Variants in NONO observed in about 807,000 individuals in gnomAD.
NONO encodes non-POU domain-containing octamer-binding protein.
A neutral mutation model predicts 40.2 loss-of-function variants in NONO; 6 were observed. The ratio of observed to expected loss-of-function variants is 0.15; its 90% CI spans 0.08 to 0.29. The LOEUF is 0.29. Ranked by LOEUF, NONO falls within the 10% of genes least tolerant of loss-of-function variation. The pLI is 1.00. For missense variants in NONO, 133 were observed against 397.8 expected, an observed-to-expected ratio of 0.33 and a Z score of 5.66; for synonymous variants, 89 against 123.3, an observed-to-expected ratio of 0.72 and a Z score of 1.85.
chrX:71,287,814 G>A (rs1378513664), intron 2 of NONO, among the ~76,000 whole-genome samples: 1 of 107,794 alleles, frequency 9.3e-6, no homozygotes, highest in African/African-American at 3.4e-5. Context: ...CTCCCAAGTA[G>A]CTGGGACTAC....
Position 71,298,695 on chromosome X carries a change from A to T in NONO, c.1172-12A>T, listed in dbSNP as rs1569241526. The T allele has an allele frequency of 8.4e-7, 1 of 1,190,647 alleles. No individual in the cohort carries two copies. The highest frequency in any genetic ancestry group is 1.8e-5 in the South Asian group (1 of 55,976). ...CTTTATCCCTTGTGCTGATCACACT[A>T]CTCTGCCTTAGGTGCTATGGGCATA... is the stretch of plus-strand genomic sequence containing the variant. On this transcript the variant is annotated splice_polypyrimidine_tract_variant and intron_variant, in intron 10 of 11. Coordinates refer to ENST00000276079, the MANE Select transcript of NONO (RefSeq NM_007363.5).
intron 4 of NONO, chrX:71,293,890 A>C: frequency 4.7e-6 from 1 of 212,326 alleles, no homozygotes; most frequent in Non-Finnish European, 8.6e-6. Flanking sequence ...TCGGCCTCCC[A>C]AAATTCTGGG....
In NONO at chrX:71,297,317, G is replaced by C. The variant is rs2031474592; in HGVS notation, c.944-60G>C. 2.9e-6 allele frequency: 3 copies of C among 1,018,385 alleles called. No individual in the cohort carries two copies. The Admixed American group carries it at 8.6e-5, about 29-fold the overall frequency. 83.9% of individuals were successfully genotyped at this position (1,018,385 alleles called of 1,213,427 possible). A position where few individuals can be genotyped will look rare whatever the true frequency, so the allele number is the denominator to read the frequency against. On this transcript the variant is annotated intron_variant, in intron 7 of 11. Transcript: ENST00000276079. ...TTTGCTTTCTGGATCTTTATTTGAA[G>C]AAAGTCATTAGATCTATATGAAGAC...
rs1602391811 is a variant in NONO, at chrX:71,300,186, A to G, written c.*110A>G. 2.2e-6 allele frequency: 2 copies of G among 925,944 alleles called. No homozygotes were observed. The highest frequency in any genetic ancestry group is 3.1e-6 in the Non-Finnish European group (2 of 649,729). The allele number at this position is 925,944 out of a possible 1,213,427, so 76.3% of individuals were successfully genotyped here. A position where few individuals can be genotyped will look rare whatever the true frequency, so the allele number is the denominator to read the frequency against. Reference sequence around the variant, plus strand: ...GGGATTCCTTCCAATAGTTAGATCTACCCTGCCTGTACTACTCTAGGGAGT... The same window carrying G: ...GGGATTCCTTCCAATAGTTAGATCTGCCCTGCCTGTACTACTCTAGGGAGT... On this transcript the variant is annotated 3_prime_UTR_variant, in exon 12 of 12. Transcript: ENST00000276079.
chrX:71,298,395 G>A (rs2031499181), intron 9 of NONO, 74 bp from the exon 10 acceptor site: 9 of 886,037 alleles, frequency 1.0e-5, no homozygotes, highest in East Asian at 6.2e-5. Flanking sequence ...ACTTCCCTTA[G>A]TGTGTGGTCC....
intron 2 of NONO, among the ~76,000 whole-genome samples, chrX:71,288,460 C>T (rs994812921): frequency 5.4e-5 from 6 of 111,233 alleles, no homozygotes; most frequent in East Asian, 2.8e-4. Flanking sequence ...GGCACAATCT[C>T]GGCTCACGGC....
chrX:71,295,472 A>G (rs1473083345), intron 5 of NONO, among the ~76,000 whole-genome samples: 2 of 101,463 alleles, frequency 2.0e-5, no homozygotes, highest in African/African-American at 3.7e-5. Context: ...GGGCAAGAGA[A>G]CAAGACTCCG....
Position 71,300,839 on chromosome X carries a change from T to C in NONO, c.*763T>C, listed in dbSNP as rs1450061952. On this transcript the variant is annotated 3_prime_UTR_variant, in exon 12 of 12. Transcript: ENST00000276079. The stretch of plus-strand genomic sequence containing the variant: ...AGAAGACATTTTCTCTTAGAGATTT[T>C]CATTTTAGTGTATCTTTAAAAAAAA... 6.1e-6 allele frequency: 1 copy of C among 163,225 alleles called. No homozygotes were observed. The highest frequency in any genetic ancestry group is 1.2e-5 in the Non-Finnish European group (1 of 84,455). The allele number at this position is 163,225 out of a possible 1,213,427, so 13.5% of individuals were successfully genotyped here. A position where few individuals can be genotyped will look rare whatever the true frequency, so the allele number is the denominator to read the frequency against.
intron 2 of NONO, among the ~76,000 whole-genome samples, chrX:71,285,548 G>A (rs2031169808): frequency 9.0e-6 from 1 of 111,462 alleles, no homozygotes; most frequent in South Asian, 3.7e-4. Context: ...TTACTGCAGC[G>A]TTATAATAGG....
At chrX:71,291,626 T>G (rs935732197) in intron 3 of NONO, among the ~76,000 whole-genome samples, 153 bp from the exon 4 acceptor site, 16 of 112,159 alleles carry the variant, frequency 1.4e-4, no homozygotes, top group Admixed American at 1.3e-3. Flanking sequence ...AAGGCACAAT[T>G]TACTCATAAG....
chrX:71,299,804 A>G (rs1478330782), intron 11 of NONO, 138 bp from the exon 12 acceptor site: 3 of 744,961 alleles, frequency 4.0e-6, no homozygotes, highest in South Asian at 2.6e-5. Flanking sequence ...TTCTAAACAG[A>G]CTTAGTCACC....
chrX:71,299,218 G>A (rs1204024804), intron 11 of NONO, among the ~76,000 whole-genome samples: 2 of 112,224 alleles, frequency 1.8e-5, no homozygotes, highest in Admixed American at 9.4e-5. Flanking sequence ...GTTTGACCAC[G>A]TTGGTCAGGC....
intron 2 of NONO, among the ~76,000 whole-genome samples, chrX:71,289,071 G>A (rs1008698815): frequency 9.0e-6 from 1 of 111,352 alleles, no homozygotes; most frequent in African/African-American, 3.3e-5. Context: ...CGATCATTTT[G>A]TTTTTAAAAT....
At chrX:71,284,622 AG>A (rs1035350588) in intron 2 of NONO, among the ~76,000 whole-genome samples, 169 bp downstream of exon 2, 7 of 112,071 alleles carry the variant, frequency 6.2e-5, no homozygotes, top group African/African-American at 1.9e-4. Context: ...TGGCAACTCT[AG>A]TGGGGGGGCC....
chrX:71,296,762 G>A (rs2148038659), intron 6 of NONO, 89 bp from the exon 7 acceptor site: 1 of 1,040,009 alleles, frequency 9.6e-7, no homozygotes, highest in East Asian at 3.0e-5. Flanking sequence ...ATGTTCACTG[G>A]CAGCCATTAT....
chrX:71,290,196 G>A (rs373023756), intron 2 of NONO, among the ~76,000 whole-genome samples: 1 of 110,113 alleles, frequency 9.1e-6, no homozygotes, highest in Non-Finnish European at 1.9e-5. Context: ...ACAGGCGTGC[G>A]CCACCACACC....
chrX:71,286,552 A>G (rs1286217629), intron 2 of NONO, among the ~76,000 whole-genome samples: 1 of 111,571 alleles, frequency 9.0e-6, no homozygotes, highest in East Asian at 2.8e-4. Flanking sequence ...AGTTGTTTTC[A>G]TTTTTGCCTA....
chrX:71,288,480 C>T (rs2031251748), intron 2 of NONO, among the ~76,000 whole-genome samples: 1 of 111,853 alleles, frequency 8.9e-6, no homozygotes, highest in South Asian at 3.7e-4. Flanking sequence ...CAACCTCCGC[C>T]TCCCAGGTTC....
chrX:71,296,145 CTTT>C (rs757644657), intron 5 of NONO, among the ~76,000 whole-genome samples: 1 of 93,951 alleles, frequency 1.1e-5, no homozygotes, highest in Non-Finnish European at 2.1e-5. Context: ...TTTTTCTTTT[CTTT>C]TTTTTTTTTT....
Sources: gnomAD v4.1 joint callset for allele counts (sites outside exome capture counted in the v4.1 genomes callset) on GRCh38, gnomAD v4.1.1 for gene constraint, MANE v1.5 for transcripts, NCBI Gene and HGNC (gene_info 2026-07-23, HGNC 2026-07-21) for gene names.